The following RBFOX1 variants were observed in gnomAD, a reference collection of about 807,000 sequenced individuals.
RBFOX1 encodes the protein RNA binding fox-1 homolog 1.
RBFOX1 carries 8 observed loss-of-function variants against 57.7 expected under a neutral mutation model. The observed-to-expected ratio is 0.14, with a 90% CI of 0.08 to 0.25. The LOEUF is 0.25. Ranked by LOEUF, RBFOX1 falls within the 10% of genes least tolerant of loss-of-function variation. The pLI, the probability that RBFOX1 is intolerant of heterozygous loss-of-function variation, is 1.00. For synonymous variants in RBFOX1, 326 were observed against 222.4 expected, an observed-to-expected ratio of 1.47 and a Z score of -4.15; for missense variants, 611 against 548.5, an observed-to-expected ratio of 1.11 and a Z score of -1.14.
intron 4 of RBFOX1, among the ~76,000 whole-genome samples, chr16:7,169,988 A>C (rs954824114): frequency 6.6e-6 from 1 of 152,108 alleles, no homozygotes; most frequent in Non-Finnish European, 1.5e-5. Flanking sequence ...TAGGAGGATC[A>C]CTTGAGCCTG....
chr16:6,223,537 T>G (rs1323191299), intron 1 of RBFOX1, among the ~76,000 whole-genome samples: 4 of 152,234 alleles, frequency 2.6e-5, no homozygotes, highest in Non-Finnish European at 5.9e-5. Context: ...TGCCCAGTTT[T>G]TGTTGGGGTT....
intron 3 of RBFOX1, among the ~76,000 whole-genome samples, chr16:7,019,972 G>A (rs1331487423): frequency 6.7e-6 from 1 of 149,714 alleles, no homozygotes; most frequent in Non-Finnish European, 1.5e-5. Context: ...CTTTCTTCTG[G>A]CTCTCTCTTT....
chr16:5,781,770 C>G (rs568821289), intron 3 of RBFOX1, among the ~76,000 whole-genome samples: 53 of 152,316 alleles, frequency 3.5e-4, no homozygotes, highest in African/African-American at 1.2e-3. Flanking sequence ...ATTTTCTGTT[C>G]TAGAGGGAGA....
intron 4 of RBFOX1, among the ~76,000 whole-genome samples, chr16:7,394,691 C>A (rs976849328): frequency 2.6e-5 from 4 of 152,174 alleles, no homozygotes; most frequent in African/African-American, 7.2e-5. Flanking sequence ...GGAGACCACG[C>A]CAGGGTTTCA....
At chr16:6,233,726 A>C (rs563023787) in intron 1 of RBFOX1, among the ~76,000 whole-genome samples, 1 of 152,062 alleles carries the variant, frequency 6.6e-6, no homozygotes, top group African/African-American at 2.4e-5. Context: ...CTCCTGCCTC[A>C]GCCTCCCAAA....
intron 2 of RBFOX1, among the ~76,000 whole-genome samples, chr16:6,635,183 A>G (rs1001818452): frequency 8.6e-4 from 127 of 148,380 alleles, no homozygotes; most frequent in African/African-American, 2.7e-3. Context: ...AAGTTTTAAT[A>G]TATATTACAT....
chr16:6,693,753 T>C (rs980116472), intron 3 of RBFOX1, among the ~76,000 whole-genome samples: 29 of 150,958 alleles, frequency 1.9e-4, no homozygotes, highest in African/African-American at 7.1e-4. Context: ...TCCACTAACA[T>C]CACCACCATC....
intron 1 of RBFOX1, among the ~76,000 whole-genome samples, chr16:5,251,962 C>T (rs2062463092): frequency 6.6e-6 from 1 of 151,988 alleles, no homozygotes; most frequent in South Asian, 2.1e-4. Flanking sequence ...ATGAAGTCTT[C>T]TTGCCAAGGT....
intron 5 of RBFOX1, among the ~76,000 whole-genome samples, chr16:7,568,753 G>A (rs1049704914): frequency 6.6e-6 from 1 of 151,906 alleles, no homozygotes; most frequent in Non-Finnish European, 1.5e-5. Context: ...CGGGCATGGT[G>A]GCGGGCACTT....
At chr16:7,513,968 G>C (rs2075784473) in intron 4 of RBFOX1, among the ~76,000 whole-genome samples, 1 of 152,188 alleles carries the variant, frequency 6.6e-6, no homozygotes, top group Admixed American at 6.5e-5. Flanking sequence ...CTTTGGTTTG[G>C]AGAGTATACA....
chr16:5,730,212 C>T (rs2052313876), intron 3 of RBFOX1, among the ~76,000 whole-genome samples: 5 of 152,178 alleles, frequency 3.3e-5, no homozygotes, highest in Middle Eastern at 3.2e-3. Context: ...ATTAGGGGAG[C>T]CTTGAAGACA....
chr16:7,177,683 T>G (rs558457513), intron 4 of RBFOX1, among the ~76,000 whole-genome samples: 1 of 152,244 alleles, frequency 6.6e-6, no homozygotes, highest in African/African-American at 2.4e-5. Flanking sequence ...CACAAAATTC[T>G]AGGACAGGGG....
At chr16:5,424,925 T>TTCTTTCTTTCTTTCTTTC (rs1567490023) in intron 1 of RBFOX1, among the ~76,000 whole-genome samples, 4 of 102,760 alleles carry the variant, frequency 3.9e-5, no homozygotes, top group African/African-American at 1.5e-4. Context: ...CTTTCTTTCT[T>TTCTTTCTTTCTTTCTTTC]TCTTTCTTTC....
intron 3 of RBFOX1, among the ~76,000 whole-genome samples, chr16:5,787,013 G>C (rs771191907): frequency 6.6e-6 from 1 of 152,192 alleles, no homozygotes; most frequent in Non-Finnish European, 1.5e-5. Context: ...GCAGATGCCT[G>C]TAATCTCAGC....
chr16:6,947,201 A>C (rs2079716402), intron 3 of RBFOX1, among the ~76,000 whole-genome samples: 1 of 152,190 alleles, frequency 6.6e-6, no homozygotes, highest in Admixed American at 6.5e-5. Flanking sequence ...TGAAGGATGC[A>C]GTTTATGGCT....
intron 3 of RBFOX1, among the ~76,000 whole-genome samples, chr16:5,764,496 G>T (rs907452472): frequency 6.6e-6 from 1 of 152,092 alleles, no homozygotes; most frequent in East Asian, 1.9e-4. Flanking sequence ...CCCAGGCTCA[G>T]GTGTTTCTTT....
At chr16:6,401,213 C>T (rs1596628336) in intron 2 of RBFOX1, among the ~76,000 whole-genome samples, 1 of 152,180 alleles carries the variant, frequency 6.6e-6, no homozygotes, top group African/African-American at 2.4e-5. Context: ...CCAAAGGACA[C>T]AGGCCTCAGC....
intron 12 of RBFOX1, 173 bp from the exon 13 acceptor site, chr16:7,664,756 C>A: frequency 1.7e-6 from 2 of 1,150,168 alleles, no homozygotes; most frequent in East Asian, 4.9e-5. Context: ...CTAATTTTCT[C>A]GGTTTGCTCA....
At chr16:7,059,759 G>T (rs911794330) in intron 4 of RBFOX1, among the ~76,000 whole-genome samples, 3 of 152,086 alleles carry the variant, frequency 2.0e-5, no homozygotes, top group Non-Finnish European at 4.4e-5. Context: ...CTCTTCACCC[G>T]TTGCAGTGTC....
Sources: gnomAD v4.1 joint callset for allele counts (sites outside exome capture counted in the v4.1 genomes callset) on GRCh38, gnomAD v4.1.1 for gene constraint, MANE v1.5 for transcripts, NCBI Gene and HGNC (gene_info 2026-07-23, HGNC 2026-07-21) for gene names.